The following RFX3 variants were observed in gnomAD, a reference collection of about 807,000 sequenced individuals.
RFX3 encodes the protein regulatory factor X3, also known as transcription factor RFX3.
A neutral mutation model predicts 98.6 loss-of-function variants in RFX3; 14 were observed. The observed-to-expected ratio is 0.14, with a 90% CI of 0.09 to 0.22. The LOEUF (loss-of-function observed/expected upper bound fraction) is 0.22. RFX3 is among the 10% of genes least tolerant of loss of function. The pLI is 1.00. For synonymous variants in RFX3, 383 were observed against 328.4 expected (o/e 1.17, Z -1.80); for missense variants, 639 against 926.9 (o/e 0.69, Z 4.03).
At chr9:3,436,167 C>G (rs1447902665) in intron 1 of RFX3, among the ~76,000 whole-genome samples, 1 of 152,036 alleles carries the variant, frequency 6.6e-6, no homozygotes. Flanking sequence ...ATGTTCCTAA[C>G]AGCTTTACCT....
Position 3,277,509 on chromosome 9 carries a change from C to CT in RFX3, c.852-49dup, listed in dbSNP as rs757407901. ...AACAAATAAACCAAATTATTCCTTG[C>CT]TTTTTTGTACTACCCGAAACTCCCA... is the stretch of plus-strand genomic sequence containing the variant. On this transcript the variant is annotated intron_variant, in intron 7 of 16. Transcript: ENST00000617270. 4.6e-6 allele frequency: 7 copies of CT among 1,524,830 alleles called. No individual in the cohort carries two copies. The South Asian group carries it at 7.9e-5, about 17-fold the overall frequency. The allele number at this position is 1,524,830 out of a possible 1,614,324, so 94.5% of individuals were successfully genotyped here. A position where few individuals can be genotyped will look rare whatever the true frequency, so the allele number is the denominator to read the frequency against.
intron 1 of RFX3, among the ~76,000 whole-genome samples, chr9:3,468,869 A>G (rs1848547508): frequency 6.6e-6 from 1 of 151,792 alleles, no homozygotes; most frequent in Non-Finnish European, 1.5e-5. Flanking sequence ...GCATACTTTC[A>G]TTACAAAATA....
intron 1 of RFX3, among the ~76,000 whole-genome samples, chr9:3,406,584 C>T (rs1305799477): frequency 6.6e-6 from 1 of 151,992 alleles, no homozygotes; most frequent in East Asian, 1.9e-4. Flanking sequence ...AGCCACAGTG[C>T]CCAATATATA....
At chr9:3,429,025 CTTTT>C (rs5896011) in intron 1 of RFX3, among the ~76,000 whole-genome samples, 4 of 139,086 alleles carry the variant, frequency 2.9e-5, no homozygotes, top group South Asian at 2.2e-4. Context: ...TTTAGTTACT[CTTTT>C]TTTTTTTTTT....
At chr9:3,341,112 G>C (rs1448757691) in intron 3 of RFX3, among the ~76,000 whole-genome samples, 4 of 152,096 alleles carry the variant, frequency 2.6e-5, no homozygotes, top group Non-Finnish European at 5.9e-5. Flanking sequence ...TAGGGACATG[G>C]ATGAAACTGG....
chr9:3,461,685 G>A (rs182151718), intron 1 of RFX3, among the ~76,000 whole-genome samples: 1 of 151,928 alleles, frequency 6.6e-6, no homozygotes, highest in Admixed American at 6.6e-5. Flanking sequence ...TTCACAAAAT[G>A]TTTACATGAA....
intron 2 of RFX3, chr9:3,364,705 C>A (rs1277008291): frequency 1.9e-5 from 3 of 157,200 alleles, no homozygotes; most frequent in Non-Finnish European, 4.2e-5. Flanking sequence ...GTTTGGATAT[C>A]CCCATGAAAT....
chr9:3,244,991 A>G (rs1001050565), intron 15 of RFX3, among the ~76,000 whole-genome samples: 4 of 152,206 alleles, frequency 2.6e-5, no homozygotes, highest in Non-Finnish European at 5.9e-5. Flanking sequence ...AGTTCAACAC[A>G]AGTCAACATG....
intron 6 of RFX3, among the ~76,000 whole-genome samples, chr9:3,289,906 A>T (rs988122174): frequency 8.5e-5 from 13 of 152,252 alleles, no homozygotes; most frequent in African/African-American, 3.1e-4. Context: ...TTATTGATAG[A>T]TAATATTAAT....
chr9:3,468,604 T>G (rs564495990), intron 1 of RFX3, among the ~76,000 whole-genome samples: 2 of 152,094 alleles, frequency 1.3e-5, no homozygotes, highest in Non-Finnish European at 2.9e-5. Context: ...TAAATCAATT[T>G]AAGGAACTGC....
At chr9:3,427,372 GT>G (rs1339622521) in intron 1 of RFX3, among the ~76,000 whole-genome samples, 2 of 131,006 alleles carry the variant, frequency 1.5e-5, no homozygotes, top group Non-Finnish European at 3.2e-5. Context: ...AATATATATT[GT>G]TATTATATAA....
intron 1 of RFX3, among the ~76,000 whole-genome samples, chr9:3,446,126 T>C (rs1846027927): frequency 6.6e-6 from 1 of 152,048 alleles, no homozygotes; most frequent in South Asian, 2.1e-4. Context: ...AAATATTGAT[T>C]GACTGAATGG....
chr9:3,438,159 A>C (rs1845314873), intron 1 of RFX3, among the ~76,000 whole-genome samples: 1 of 152,150 alleles, frequency 6.6e-6, no homozygotes, highest in African/African-American at 2.4e-5. Context: ...ATAACACAGA[A>C]GCCGACAGTT....
chr9:3,311,606 C>T (rs758834096), intron 4 of RFX3, among the ~76,000 whole-genome samples: 10 of 152,144 alleles, frequency 6.6e-5, no homozygotes, highest in African/African-American at 1.4e-4. Flanking sequence ...TAAACAAGAC[C>T]GGGCGTGGTG....
At chr9:3,310,241 C>A (rs899052679) in intron 4 of RFX3, among the ~76,000 whole-genome samples, 10 of 152,032 alleles carry the variant, frequency 6.6e-5, no homozygotes, top group African/African-American at 2.4e-4. Flanking sequence ...AAGAGGCTCC[C>A]CTGGACATGT....
At chr9:3,454,459 T>TA (rs1232592852) in intron 1 of RFX3, among the ~76,000 whole-genome samples, 2 of 152,174 alleles carry the variant, frequency 1.3e-5, no homozygotes, top group Non-Finnish European at 2.9e-5. Flanking sequence ...TCTGAGATCA[T>TA]ATATAAGAGA....
At chr9:3,422,648 A>G (rs145644730) in intron 1 of RFX3, among the ~76,000 whole-genome samples, 1,586 of 152,348 alleles carry the variant, frequency 0.01, 16 homozygotes, top group East Asian at 0.027. Context: ...AGTCAGGCTT[A>G]TTATTTTACA....
intron 4 of RFX3, among the ~76,000 whole-genome samples, chr9:3,317,212 C>T (rs1334143377): frequency 2.0e-5 from 3 of 152,242 alleles, no homozygotes; most frequent in Admixed American, 6.5e-5. Context: ...AGAAATAATA[C>T]CACACATCTA....
intron 15 of RFX3, among the ~76,000 whole-genome samples, chr9:3,246,609 A>G (rs1820712005): frequency 6.6e-6 from 1 of 152,136 alleles, no homozygotes. Context: ...GAAGTCTTGA[A>G]CCCTGAGTTA....
Sources: gnomAD v4.1 joint callset for allele counts (sites outside exome capture counted in the v4.1 genomes callset) on GRCh38, gnomAD v4.1.1 for gene constraint, MANE v1.5 for transcripts, NCBI Gene and HGNC (gene_info 2026-07-23, HGNC 2026-07-21) for gene names.